Variants in QSER1 observed in about 807,000 individuals in gnomAD.
The protein encoded by QSER1 is glutamine and serine-rich protein 1.
Under a neutral mutation model 158.5 loss-of-function variants are expected in QSER1, and 49 were observed. The ratio of observed to expected loss-of-function variants is 0.31; its 90% CI spans 0.25 to 0.39. The LOEUF is 0.39. QSER1 is among the 10% of genes least tolerant of loss of function. QSER1 has a pLI of 1.00. For missense variants in QSER1, 1,754 were observed against 2,010.3 expected (o/e 0.87, Z 2.44); for synonymous variants, 650 against 715.5 (o/e 0.91, Z 1.46).
At position 32,934,897 on chromosome 11, in the gene QSER1, G is replaced by C. The variant is rs1202821582; in HGVS notation, c.3639G>C (p.Glu1213Asp). Residue 1213 changes from glutamate to aspartate, a missense_variant, in exon 4 of 13, where the codon GAG becomes GAC. This residue lies in a region of QSER1 where 1,707 missense variants were observed against 1,919.6 expected (regional missense o/e 0.89). Coordinates refer to ENST00000650167, the MANE Select transcript of QSER1 (RefSeq NM_001076786.3). Reference sequence around the variant, plus strand: ...CTAAAGGAAAAGGGCAAGTTAAAGAGGAAGACAACAGTAATCAGAAACAGC... The same window carrying C: ...CTAAAGGAAAAGGGCAAGTTAAAGACGAAGACAACAGTAATCAGAAACAGC... ...KRAKGKGQVK[E>D]EDNSNQKQLK... 3.1e-6 allele frequency: 5 copies of C among 1,613,702 alleles called. No individual in the cohort carries two copies. The highest frequency in any genetic ancestry group is 4.2e-6 in the Non-Finnish European group (5 of 1,179,968).
In QSER1 at chr11:32,954,196, C is replaced by T. The variant is rs199901046; in HGVS notation, c.4500+17C>T. ...ACTTTTAAGGTGATGTCAGTGTTCA[C>T]CAGTGTAAAGGTCATAGTTTAGTTA... On this transcript the variant is annotated intron_variant, in intron 5 of 12. Transcript: ENST00000650167. 3.8e-5 allele frequency: 61 copies of T among 1,604,148 alleles called. No homozygotes were observed. Among genetic ancestry groups the T allele is most frequent in the Non-Finnish European group, 5.0e-5 (59 of 1,175,950 alleles).
chr11:32,923,660 A>C (rs1204525856), intron 1 of QSER1, among the ~76,000 whole-genome samples: 1 of 121,256 alleles, frequency 8.2e-6, no homozygotes, highest in African/African-American at 3.2e-5. Context: ...CCTGGGCAAC[A>C]GAGTGAGACT....
chr11:32,975,514 T>G, intron 12 of QSER1, 171 bp downstream of exon 12: 2 of 1,472,488 alleles, frequency 1.4e-6, no homozygotes, highest in Non-Finnish European at 1.8e-6. Context: ...CTCTCTGCTA[T>G]GTTTTGTGCT....
Position 32,934,416 on chromosome 11 carries a change from A to G in QSER1, c.3158A>G (p.Asn1053Ser). 1 of 1,613,848 alleles carries G rather than the reference A, an allele frequency of 6.2e-7. No homozygotes were observed. The highest frequency in any genetic ancestry group is 8.5e-7 in the Non-Finnish European group (1 of 1,179,984). The change falls in exon 4 of 13, where the codon AAT becomes AGT. Residue 1053 changes from asparagine (N) to serine (S), a missense_variant. Asn to Ser is a conservative substitution (Grantham distance 46, BLOSUM62 1). Coordinates refer to ENST00000650167, the MANE Select transcript of QSER1 (RefSeq NM_001076786.3). ...QNINDTSLNGNQVTVNLSPVP... is the reference protein window; with the variant it reads ...QNINDTSLNGSQVTVNLSPVP... Reference sequence around the variant, plus strand: ...ATAAATGATACTTCCTTAAATGGAAATCAGGTTACTGTGAACCTTTCACCA... The same window carrying G: ...ATAAATGATACTTCCTTAAATGGAAGTCAGGTTACTGTGAACCTTTCACCA...
In QSER1 at chr11:32,931,763, A is replaced by G; in HGVS notation, c.505A>G (p.Thr169Ala). Residue 169 changes from threonine (T) to alanine (A), a missense_variant, in exon 4 of 13, where the codon ACT (threonine) becomes GCT (alanine). By Grantham distance (58) the Thr-to-Ala change is moderately conservative. This residue lies in a region of QSER1 where 1,707 missense variants were observed against 1,919.6 expected (regional missense o/e 0.89). Transcript: ENST00000650167. The stretch of plus-strand genomic sequence containing the variant: ...CATAGGCATGCATTCCTCAGCAGCA[A>G]CTGAGCTGTTTGCTACTGGACCTTT... ...WQTGMHSSAA[T>A]ELFATGPLPS... 6.2e-7 allele frequency: 1 copy of G among 1,605,182 alleles called. No homozygotes were observed. The highest frequency in any genetic ancestry group is 8.5e-7 in the Non-Finnish European group (1 of 1,176,172).
At chr11:32,914,187 G>A (rs1169976583) in intron 1 of QSER1, among the ~76,000 whole-genome samples, 2 of 152,124 alleles carry the variant, frequency 1.3e-5, no homozygotes, top group Non-Finnish European at 2.9e-5. Flanking sequence ...GCTAAATAAA[G>A]TAAAAATATT....
intron 4 of QSER1, among the ~76,000 whole-genome samples, chr11:32,943,354 G>A (rs1234189496): frequency 6.7e-6 from 1 of 149,334 alleles, no homozygotes; most frequent in Non-Finnish European, 1.5e-5. Context: ...CATTCAGTAT[G>A]ATATTGGCTG....
At position 32,934,421 on chromosome 11, in the gene QSER1, G is replaced by A. The variant is rs766334143; in HGVS notation, c.3163G>A (p.Val1055Ile). The A allele has an allele frequency of 1.2e-6, 2 of 1,613,862 alleles. No individual in the cohort carries two copies. The highest frequency in any genetic ancestry group is 4.5e-5 in the East Asian group (2 of 44,874). The stretch of plus-strand genomic sequence containing the variant: ...TGATACTTCCTTAAATGGAAATCAG[G>A]TTACTGTGAACCTTTCACCAGTACC... Reference protein sequence around the residue: ...INDTSLNGNQVTVNLSPVPAL... With the variant: ...INDTSLNGNQITVNLSPVPAL... The change falls in exon 4 of 13, where the codon GTT becomes ATT. Residue 1055 changes from valine to isoleucine, a missense_variant. Coordinates refer to ENST00000650167, the MANE Select transcript of QSER1 (RefSeq NM_001076786.3).
intron 5 of QSER1, 23 bp downstream of exon 5, chr11:32,954,202 TA>T: frequency 6.3e-7 from 1 of 1,597,550 alleles, no homozygotes; most frequent in Non-Finnish European, 8.5e-7. Context: ...TTCACCAGTG[TA>T]AAGGTCATAG....
chr11:32,974,810 GA>G (rs1852942945), intron 11 of QSER1, among the ~76,000 whole-genome samples: 3 of 152,166 alleles, frequency 2.0e-5, no homozygotes, highest in Admixed American at 2.0e-4. Context: ...TTGGAAGAAA[GA>G]AGAAAAGTTG....
Position 32,933,213 on chromosome 11 carries a change from C to T in QSER1, c.1955C>T (p.Ser652Phe). ...QKFLPAVQSS[S>F]FASSTHCQTL... ...TTTTTGCCTGCTGTCCAGTCATCATCTTTTGCATCCTCTACTCATTGTCAG... is the reference window on the plus strand; with the variant it reads ...TTTTTGCCTGCTGTCCAGTCATCATTTTTTGCATCCTCTACTCATTGTCAG... The change falls in exon 4 of 13, where the codon TCT becomes TTT. Residue 652 changes from serine to phenylalanine, a missense_variant. Around this residue, in one of 2 missense-constraint regions of QSER1, gnomAD observed 1,707 missense variants for 1,919.6 expected, o/e 0.89. Coordinates refer to ENST00000650167, the MANE Select transcript of QSER1 (RefSeq NM_001076786.3). 6.2e-7 allele frequency: 1 copy of T among 1,614,044 alleles called. No homozygotes were observed. Among genetic ancestry groups the T allele is most frequent in the Non-Finnish European group, 8.5e-7 (1 of 1,179,988 alleles).
chr11:32,935,012 G>A lies in QSER1; in HGVS notation c.3754G>A (p.Asp1252Asn), dbSNP rs747004821. The A allele has an allele frequency of 1.3e-4, 211 of 1,614,010 alleles. No individual in the cohort carries two copies. Among genetic ancestry groups the A allele is most frequent in the Non-Finnish European group, 1.7e-4 (198 of 1,180,012 alleles). Residue 1252 changes from aspartate (D) to asparagine (N), a missense_variant, in exon 4 of 13, where the codon GAT becomes AAT. By Grantham distance (23) the Asp-to-Asn change is conservative. Transcript: ENST00000650167. ...YTPPSSESCH[D>N]GYQHQEKMRQ... ...TCCTCCTTCCTCAGAAAGCTGCCAT[G>A]ATGGTTATCAGCATCAAGAAAAAAT...
At chr11:32,912,647 G>A (rs1309875569) in intron 1 of QSER1, among the ~76,000 whole-genome samples, 1 of 152,158 alleles carries the variant, frequency 6.6e-6, no homozygotes, top group Non-Finnish European at 1.5e-5. Flanking sequence ...AGTGGCTCAC[G>A]CCTTTAATCC....
At chr11:32,913,830 G>A (rs1335895976) in intron 1 of QSER1, among the ~76,000 whole-genome samples, 1 of 152,128 alleles carries the variant, frequency 6.6e-6, no homozygotes, top group African/African-American at 2.4e-5. Context: ...CTAACTAATT[G>A]TCTGTGTGGC....
rs184049097 is a variant in QSER1 at position 32,971,536 on chromosome 11, A to G, written c.5206-1861A>G. ...TTAGAATCTTTAGACTTTAAATTCT[A>G]TTTGTTGCAAATAATAATTCTGGAT... is the stretch of plus-strand genomic sequence containing the variant. On this transcript the variant is annotated intron_variant, in intron 10 of 12. Transcript: ENST00000650167. Among the ~76,000 whole-genome samples the G allele has an allele frequency of 2.5e-3, 384 of 152,290 alleles. 4 individuals carry two copies. Among genetic ancestry groups the G allele is most frequent in the African/African-American group, 9.0e-3 (375 of 41,554 alleles).
At chr11:32,947,426 TTA>T (rs954741098) in intron 4 of QSER1, among the ~76,000 whole-genome samples, 90 of 152,330 alleles carry the variant, frequency 5.9e-4, no homozygotes, top group African/African-American at 2.1e-3. Flanking sequence ...TTCAAATCCT[TTA>T]TATCTTTTTT....
At chr11:32,972,519 T>C (rs1362965629) in intron 10 of QSER1, among the ~76,000 whole-genome samples, 1 of 151,946 alleles carries the variant, frequency 6.6e-6, no homozygotes, top group Non-Finnish European at 1.5e-5. Flanking sequence ...CAGTACAACC[T>C]CTGCCTCCCG....
At chr11:32,946,683 G>A (rs962911171) in intron 4 of QSER1, among the ~76,000 whole-genome samples, 1 of 152,136 alleles carries the variant, frequency 6.6e-6, no homozygotes, top group Non-Finnish European at 1.5e-5. Context: ...CTGTCTTTTT[G>A]TTTGTCTGTA....
rs1853003069 is a variant in QSER1, at chr11:32,977,783, T to G, written c.*1309T>G. Reference sequence around the variant, plus strand: ...TTTGTTTGAGAAAAAGATGTACTAGTGTCATTCTAAACTATCTCCTTTTTT... The same window carrying G: ...TTTGTTTGAGAAAAAGATGTACTAGGGTCATTCTAAACTATCTCCTTTTTT... On this transcript the variant is annotated 3_prime_UTR_variant, in exon 13 of 13. Coordinates refer to ENST00000650167, the MANE Select transcript of QSER1 (RefSeq NM_001076786.3). The G allele has an allele frequency of 6.6e-6, 1 of 152,628 alleles. No individual in the cohort carries two copies. The highest frequency in any genetic ancestry group is 1.5e-5 in the Non-Finnish European group (1 of 68,022). The allele number at this position is 152,628 out of a possible 1,614,324, so 9.5% of individuals were successfully genotyped here.
Sources: allele counts gnomAD v4.1 joint callset (sites outside exome capture counted in the v4.1 genomes callset), GRCh38; gene constraint gnomAD v4.1.1; regional missense constraint gnomAD v4.1.1; transcripts MANE v1.5; gene names NCBI Gene and HGNC (gene_info 2026-07-23, HGNC 2026-07-21).